Variants in MEGF10 observed in about 807,000 individuals in gnomAD.
MEGF10 encodes multiple epidermal growth factor-like domains protein 10.
In MEGF10, 86 loss-of-function variants were observed where a neutral mutation model predicts 147.5. That is an observed-to-expected ratio of 0.58 (90% CI 0.49 to 0.70). The LOEUF is 0.70. MEGF10 is among the 30% of genes least tolerant of loss of function. MEGF10 has a pLI of 0.00. For missense variants in MEGF10, 1,329 were observed against 1,487.3 expected, an observed-to-expected ratio of 0.89 and a Z score of 1.75; for synonymous variants, 478 against 525.5, an observed-to-expected ratio of 0.91 and a Z score of 1.24.
intron 1 of MEGF10, among the ~76,000 whole-genome samples, chr5:127,317,690 A>G (rs1760617516): frequency 6.6e-6 from 1 of 152,198 alleles, no homozygotes; most frequent in African/African-American, 2.4e-5. Flanking sequence ...CATAGGTGGG[A>G]ATTGAACAAT....
intron 5 of MEGF10, among the ~76,000 whole-genome samples, chr5:127,371,526 G>A (rs549647162): frequency 8.6e-4 from 131 of 152,248 alleles, no homozygotes; most frequent in Admixed American, 1.3e-3. Flanking sequence ...GGAAGAGTGG[G>A]CGTATTAGTC....
intron 10 of MEGF10, among the ~76,000 whole-genome samples, chr5:127,418,879 G>T (rs971632758): frequency 2.0e-4 from 31 of 152,294 alleles, no homozygotes; most frequent in African/African-American, 7.5e-4. Context: ...CAAAGCTAAT[G>T]TAGGTGCAAG....
the MEGF10 span, among the ~76,000 whole-genome samples, chr5:127,250,603 A>T: frequency 6.6e-6 from 1 of 152,044 alleles, no homozygotes; most frequent in African/African-American, 2.4e-5. Flanking sequence ...TAGAGACAAG[A>T]TAAACTTGCT....
chr5:127,270,153 G>T, the MEGF10 span, among the ~76,000 whole-genome samples: 1 of 152,196 alleles, frequency 6.6e-6, no homozygotes, highest in Non-Finnish European at 1.5e-5. Flanking sequence ...GACCATCGAT[G>T]CTGGGAAGAA....
At chr5:127,410,324 T>G (rs1764504998) in intron 8 of MEGF10, 65 bp from the exon 9 acceptor site, 1 of 1,485,770 alleles carries the variant, frequency 6.7e-7, no homozygotes, top group Admixed American at 1.8e-5. Flanking sequence ...CCATTCCAAA[T>G]TAACTGTTTA....
At chr5:127,255,965 G>A in the MEGF10 span, among the ~76,000 whole-genome samples, 1 of 152,110 alleles carries the variant, frequency 6.6e-6, no homozygotes, top group African/African-American at 2.4e-5. Context: ...ACCTAGGGAG[G>A]AAATGCTACT....
chr5:127,445,937 T>A (rs1156582076), intron 20 of MEGF10, among the ~76,000 whole-genome samples: 4 of 152,156 alleles, frequency 2.6e-5, no homozygotes, highest in Admixed American at 2.0e-4. Context: ...TGGTTTAGAT[T>A]TAGGGAATTT....
rs777005994 is a variant in MEGF10 at position 127,422,694 on chromosome 5, G to A, written c.1615G>A (p.Ala539Thr). The A allele has an allele frequency of 2.4e-5, 39 of 1,613,930 alleles. No individual in the cohort carries two copies. Among genetic ancestry groups the A allele is most frequent in the Non-Finnish European group, 2.8e-5 (33 of 1,180,006 alleles). The part of the protein sequence containing the change: ...CQDGTYGLNC[A>T]ERCDCSHADG... ...GGATGGCACGTACGGGCTGAACTGT[G>A]CTGAGCGCTGCGACTGCAGCCACGC... The change falls in exon 13 of 25, where the codon GCT (alanine) becomes ACT (threonine). Residue 539 changes from alanine (A) to threonine (T), a missense_variant. Physicochemically the swap from Ala to Thr is moderately conservative, Grantham distance 58. Around this residue, in one of 3 missense-constraint regions of MEGF10, gnomAD observed 980 missense variants for 1,085.9 expected, o/e 0.90. Transcript: ENST00000503335.
chr5:127,412,965 T>G (rs1764628203), intron 9 of MEGF10, among the ~76,000 whole-genome samples: 1 of 152,180 alleles, frequency 6.6e-6, no homozygotes, highest in African/African-American at 2.4e-5. Context: ...GTGACTGGTT[T>G]CTAAAACAGA....
rs1760910458 is a variant in MEGF10, at chr5:127,324,259, A to G, written c.-18-7032A>G. 3.9e-5 allele frequency among the ~76,000 whole-genome samples: 6 copies of G among 152,194 alleles called. No individual in the cohort carries two copies. In the South Asian group the frequency reaches 1.2e-3, roughly 31 times the overall value. ...ACTCTTAAGGTTGAGAAGAATGAGT[A>G]GGGATGTTATTGAAGTGTATCAAAT... On this transcript the variant is annotated intron_variant, in intron 1 of 24. Coordinates refer to ENST00000503335, the MANE Select transcript of MEGF10 (RefSeq NM_001256545.2).
the MEGF10 span, among the ~76,000 whole-genome samples, chr5:127,268,456 C>G: frequency 1.3e-5 from 2 of 151,474 alleles, no homozygotes; most frequent in East Asian, 1.9e-4. Flanking sequence ...GAGCTGAGTT[C>G]AATTCCTGGA....
intron 22 of MEGF10, among the ~76,000 whole-genome samples, chr5:127,450,399 AG>A (rs942405191): frequency 3.4e-4 from 52 of 152,326 alleles, no homozygotes; most frequent in Non-Finnish European, 3.4e-4. Context: ...CCTCCTGAAA[AG>A]GGGGCAGGAA....
intron 1 of MEGF10, among the ~76,000 whole-genome samples, chr5:127,305,644 A>T (rs1213104927): frequency 1.3e-5 from 2 of 152,120 alleles, no homozygotes; most frequent in Admixed American, 1.3e-4. Context: ...GAGACAAAAA[A>T]GCTTGTGATG....
chr5:127,265,480 T>C, the MEGF10 span, among the ~76,000 whole-genome samples: 12 of 152,264 alleles, frequency 7.9e-5, no homozygotes, highest in Middle Eastern at 6.8e-3. Context: ...TTCTAGATCC[T>C]TGAGGAATTA....
chr5:127,414,760 G>A (rs755898478), intron 9 of MEGF10, among the ~76,000 whole-genome samples: 4 of 152,158 alleles, frequency 2.6e-5, no homozygotes, highest in African/African-American at 7.2e-5. Flanking sequence ...CCATGTGCCC[G>A]TGAAAGGTGG....
chr5:127,315,764 A>T (rs1039669421), intron 1 of MEGF10, among the ~76,000 whole-genome samples: 4 of 152,100 alleles, frequency 2.6e-5, no homozygotes, highest in Non-Finnish European at 5.9e-5. Context: ...ACAGAGTGAG[A>T]CCCTGTCTTA....
At chr5:127,319,737 A>G (rs976180930) in intron 1 of MEGF10, among the ~76,000 whole-genome samples, 10 of 152,224 alleles carry the variant, frequency 6.6e-5, no homozygotes, top group African/African-American at 1.9e-4. Context: ...TGGCTAACTA[A>G]TCAATTTTTT....
At chr5:127,277,124 A>C in the MEGF10 span, among the ~76,000 whole-genome samples, 3 of 152,232 alleles carry the variant, frequency 2.0e-5, no homozygotes, top group South Asian at 6.2e-4. Flanking sequence ...GATAAAACCA[A>C]GAAGCACTGA....
intron 22 of MEGF10, among the ~76,000 whole-genome samples, chr5:127,451,372 C>T (rs943637675): frequency 7.2e-5 from 11 of 152,144 alleles, no homozygotes; most frequent in African/African-American, 2.7e-4. Context: ...GTCGTTATCA[C>T]GCTCGCTGTA....
Sources: gnomAD v4.1 joint callset for allele counts (sites outside exome capture counted in the v4.1 genomes callset) on GRCh38, gnomAD v4.1.1 for gene constraint, gnomAD v4.1.1 regional missense constraint, MANE v1.5 for transcripts, NCBI Gene and HGNC (gene_info 2026-07-23, HGNC 2026-07-21) for gene names.